RIN2: variants seen among roughly 807,000 people sequenced by gnomAD.
RIN2 encodes Ras and Rab interactor 2.
RIN2 carries 36 observed loss-of-function variants against 78.0 expected under a neutral mutation model. The observed-to-expected ratio is 0.46, with a 90% CI of 0.35 to 0.61. RIN2 has a LOEUF of 0.61. Ranked by LOEUF, RIN2 falls within the 20% of genes least tolerant of loss-of-function variation. The pLI is 0.00. For missense variants in RIN2, 1,087 were observed against 1,159.7 expected, an observed-to-expected ratio of 0.94 and a Z score of 0.91; for synonymous variants, 466 against 466.8, an observed-to-expected ratio of 1.00 and a Z score of 0.02.
In RIN2 at chr20:19,975,744, G is replaced by A. The variant is rs1189592517; in HGVS notation, c.1719G>A (p.Glu573=). 2 of 1,612,894 alleles carry A rather than the reference G, an allele frequency of 1.2e-6. No individual in the cohort carries two copies. The highest frequency in any genetic ancestry group is 1.1e-5 in the South Asian group (1 of 90,962). ...QVKNYLSQSS[E]LDPPIESLIP... ...AGAACTATTTGTCTCAGAGCTCGGAGCTGGACCCCCCCATCGAGTCGCTGA... is the reference window on the plus strand; with the variant it reads ...AGAACTATTTGTCTCAGAGCTCGGAACTGGACCCCCCCATCGAGTCGCTGA... The change falls in exon 9 of 13, where the codon GAG becomes GAA. Residue 573 remains glutamate, a synonymous_variant. Coordinates refer to ENST00000255006, the MANE Select transcript of RIN2 (RefSeq NM_018993.4). The surrounding 1 kb of genome is among the most constrained non-coding windows in gnomAD (Gnocchi z 4.9).
intron 2 of RIN2, among the ~76,000 whole-genome samples, chr20:19,825,838 A>G (rs1029243314): frequency 2.6e-5 from 4 of 151,986 alleles, no homozygotes; most frequent in Non-Finnish European, 5.9e-5. Flanking sequence ...TATTTCTGCT[A>G]CTCTCATTTG....
At position 19,974,796 on chromosome 20, in the gene RIN2, T is replaced by G; in HGVS notation, c.771T>G (p.Pro257=). Residue 257 remains proline (P), a synonymous_variant, in exon 9 of 13, where the codon CCT becomes CCG. Coordinates refer to ENST00000255006, the MANE Select transcript of RIN2 (RefSeq NM_018993.4). Reference sequence around the variant, plus strand: ...TGCATTCTATCAAAACCAGGACGCCTTCAGAGCTGGAGTGCAGCCAGACCA... The same window carrying G: ...TGCATTCTATCAAAACCAGGACGCCGTCAGAGCTGGAGTGCAGCCAGACCA... ...NGVHSIKTRT[P]SELECSQTNG... The G allele has an allele frequency of 1.2e-6, 2 of 1,613,994 alleles. No individual in the cohort carries two copies. The highest frequency in any genetic ancestry group is 1.7e-6 in the Non-Finnish European group (2 of 1,179,906).
intron 2 of RIN2, among the ~76,000 whole-genome samples, chr20:19,816,699 G>A (rs1048234367): frequency 3.9e-5 from 6 of 152,164 alleles, no homozygotes; most frequent in African/African-American, 1.4e-4. Flanking sequence ...CAAAAAGCCT[G>A]ATCAAATATT....
At chr20:19,995,271 A>C (rs2042921655) in intron 11 of RIN2, among the ~76,000 whole-genome samples, 1 of 151,382 alleles carries the variant, frequency 6.6e-6, no homozygotes, top group Admixed American at 6.6e-5. Flanking sequence ...TAAAAAAAAA[A>C]AAAAAAACAA....
chr20:19,917,730 T>C (rs934729240), intron 3 of RIN2, among the ~76,000 whole-genome samples: 2 of 149,602 alleles, frequency 1.3e-5, no homozygotes, highest in Admixed American at 1.3e-4. Flanking sequence ...TGACATACAA[T>C]ATATCGATAT....
Position 19,831,663 on chromosome 20 carries a change from T to C in RIN2, c.-37+31916T>C, listed in dbSNP as rs1159354948. On this transcript the variant is annotated intron_variant, in intron 2 of 12. Transcript: ENST00000255006. ...GATTATATCAGTGTAATTTCCCTGATACATTTGAACCCATCGTTTATTTAG... is the reference window on the plus strand; with the variant it reads ...GATTATATCAGTGTAATTTCCCTGACACATTTGAACCCATCGTTTATTTAG... 2.0e-5 allele frequency among the ~76,000 whole-genome samples: 3 copies of C among 152,210 alleles called. No individual in the cohort carries two copies. In the East Asian group the frequency reaches 5.8e-4, roughly 29 times the overall value.
intron 11 of RIN2, among the ~76,000 whole-genome samples, chr20:19,993,150 C>G (rs2042847076): frequency 1.3e-5 from 2 of 152,176 alleles, no homozygotes; most frequent in Non-Finnish European, 2.9e-5. Flanking sequence ...AACTGGGACT[C>G]TATGTGAGCT....
intron 1 of RIN2, among the ~76,000 whole-genome samples, chr20:19,772,766 C>T (rs2034177920): frequency 6.6e-6 from 1 of 152,108 alleles, no homozygotes; most frequent in Admixed American, 6.5e-5. Context: ...TCGTTTTATG[C>T]TTTTTTCCCC....
Position 20,000,801 on chromosome 20 carries a change from T to G in RIN2, c.2553T>G (p.Thr851=). The stretch of plus-strand genomic sequence containing the variant: ...CATGGCAGCAGCTGGCAGAGGACAC[T>G]TACCCTCAAAAAATCAAGGCGGAGC... ...DETWQQLAED[T]YPQKIKAELH... Residue 851 remains threonine (T), a synonymous_variant, in exon 13 of 13, where the codon ACT becomes ACG. Coordinates refer to ENST00000255006, the MANE Select transcript of RIN2 (RefSeq NM_018993.4). 1 of 1,613,938 alleles carries G rather than the reference T, an allele frequency of 6.2e-7. No homozygotes were observed. Among genetic ancestry groups the G allele is most frequent in the Non-Finnish European group, 8.5e-7 (1 of 1,179,892 alleles).
intron 2 of RIN2, among the ~76,000 whole-genome samples, chr20:19,833,283 T>TATATATATATATATATATATATATATA (rs1568794573): frequency 1.3e-5 from 2 of 150,930 alleles, no homozygotes; most frequent in African/African-American, 4.9e-5. Flanking sequence ...TAGATATAGG[T>TATATATATATATATATATATATATATA]TATATATATA....
chr20:19,808,507 A>G (rs2035484410), intron 2 of RIN2, among the ~76,000 whole-genome samples: 1 of 152,168 alleles, frequency 6.6e-6, no homozygotes, highest in African/African-American at 2.4e-5. Context: ...GGCCCTGTAT[A>G]AGTAATGTCA....
chr20:19,994,532 T>C (rs2042896124), intron 11 of RIN2, among the ~76,000 whole-genome samples: 1 of 152,208 alleles, frequency 6.6e-6, no homozygotes, highest in East Asian at 1.9e-4. Flanking sequence ...TGTTTCAAAG[T>C]GTGGTCAATT....
At chr20:19,931,532 AATTT>A (rs2040438214) in intron 3 of RIN2, among the ~76,000 whole-genome samples, 1 of 152,178 alleles carries the variant, frequency 6.6e-6, no homozygotes, top group Non-Finnish European at 1.5e-5. Context: ...TTTATTTGTT[AATTT>A]GTTATGTCAT....
chr20:19,908,591 T>A (rs2039327189), intron 3 of RIN2, among the ~76,000 whole-genome samples: 1 of 152,140 alleles, frequency 6.6e-6, no homozygotes, highest in Non-Finnish European at 1.5e-5. Flanking sequence ...AATCTCTCAT[T>A]CCCAGCATGC....
At chr20:19,839,896 A>G (rs914700839) in intron 2 of RIN2, among the ~76,000 whole-genome samples, 16 of 152,244 alleles carry the variant, frequency 1.1e-4, no homozygotes, top group African/African-American at 3.9e-4. Flanking sequence ...TGTAAATGCA[A>G]AATTGAAACC....
intron 1 of RIN2, among the ~76,000 whole-genome samples, chr20:19,774,116 C>A (rs577930461): frequency 1.2e-4 from 19 of 152,092 alleles, no homozygotes; most frequent in African/African-American, 4.6e-4. Context: ...CCTTTATAGG[C>A]TCCTCTCTTT....
chr20:19,909,713 G>T (rs984089184), intron 3 of RIN2, among the ~76,000 whole-genome samples: 3 of 152,166 alleles, frequency 2.0e-5, no homozygotes, highest in Non-Finnish European at 4.4e-5. Context: ...CAGTCTCGCC[G>T]CACAGGTCCC....
In RIN2 at chr20:19,789,172, G is replaced by C. The variant is rs144852868; in HGVS notation, c.-162-10450G>C. ...ACTGCAATTAAGCGGGTGTGGAGGC[G>C]GGAGAAGAGTCTTTTCCACAGATGG... On this transcript the variant is annotated intron_variant, in intron 1 of 12. Transcript: ENST00000255006. 3.8e-3 allele frequency among the ~76,000 whole-genome samples: 579 copies of C among 152,224 alleles called. 4 individuals are homozygous for C. Among genetic ancestry groups the C allele is most frequent in the African/African-American group, 0.013 (559 of 41,530 alleles).
chr20:19,833,016 C>T (rs1388230121), intron 2 of RIN2, among the ~76,000 whole-genome samples: 2 of 152,090 alleles, frequency 1.3e-5, no homozygotes, highest in African/African-American at 2.4e-5. Flanking sequence ...TCAAACCACC[C>T]ACTCCTAAGC....
Sources: gnomAD v4.1 joint callset for allele counts (sites outside exome capture counted in the v4.1 genomes callset) on GRCh38, gnomAD v4.1.1 for gene constraint, Gnocchi (gnomAD v3.1) non-coding constraint, MANE v1.5 for transcripts, NCBI Gene and HGNC (gene_info 2026-07-23, HGNC 2026-07-21) for gene names.